ATXN1: variants seen among roughly 807,000 people sequenced by gnomAD.
ATXN1 encodes the protein ataxin 1.
In ATXN1, 8 loss-of-function variants were observed where a neutral mutation model predicts 56.4. That is an observed-to-expected ratio of 0.14 (90% CI 0.08 to 0.26). The LOEUF (loss-of-function observed/expected upper bound fraction) is 0.26, where lower values mean the gene tolerates loss of function less well. ATXN1 is among the 10% of genes least tolerant of loss of function. The pLI, the probability that ATXN1 is intolerant of heterozygous loss-of-function variation, is 1.00. For synonymous variants in ATXN1, 514 were observed against 494.6 expected, an observed-to-expected ratio of 1.04 and a Z score of -0.52; for missense variants, 987 against 1,106.5, an observed-to-expected ratio of 0.89 and a Z score of 1.53.
intron 6 of ATXN1, among the ~76,000 whole-genome samples, chr6:16,333,833 G>T (rs1042981799): frequency 2.0e-5 from 3 of 152,182 alleles, no homozygotes; most frequent in South Asian, 2.1e-4. Context: ...AAACTGGAAG[G>T]CCTGTGTGGT....
intron 6 of ATXN1, among the ~76,000 whole-genome samples, chr6:16,398,999 A>G (rs1758511509): frequency 1.3e-5 from 2 of 152,222 alleles, no homozygotes. Flanking sequence ...GTGCTATTCC[A>G]TTAAACATGC....
At position 16,494,752 on chromosome 6, in the gene ATXN1, A is replaced by G. The variant is rs185768063; in HGVS notation, c.-298-8643T>C. On this transcript the variant is annotated intron_variant, in intron 5 of 7. Transcript: ENST00000436367. ...GATAAATACCCAATCTGTGCTGAGCAGCTGTAGAACGACGTCTCAGGAAAT... is the reference window on the plus strand; with the variant it reads ...GATAAATACCCAATCTGTGCTGAGCGGCTGTAGAACGACGTCTCAGGAAAT... Among the ~76,000 whole-genome samples the G allele has an allele frequency of 8.3e-3, 1,266 of 152,368 alleles. 6 individuals carry two copies. The highest frequency in any genetic ancestry group is 0.01 in the Non-Finnish European group (706 of 68,042).
intron 2 of ATXN1, among the ~76,000 whole-genome samples, chr6:16,733,631 C>T (rs1460661842): frequency 2.6e-5 from 4 of 151,952 alleles, no homozygotes; most frequent in South Asian, 4.1e-4. Context: ...TTTGGGAGGC[C>T]GAGGTCGGGA....
chr6:16,519,171 T>C (rs903186925), intron 5 of ATXN1, among the ~76,000 whole-genome samples: 6 of 152,102 alleles, frequency 3.9e-5, no homozygotes, highest in African/African-American at 9.7e-5. Context: ...AAGAAGAAGA[T>C]ACATGTTTCG....
intron 4 of ATXN1, among the ~76,000 whole-genome samples, chr6:16,524,428 T>G (rs1561739105): frequency 6.6e-6 from 1 of 152,190 alleles, no homozygotes; most frequent in Non-Finnish European, 1.5e-5. Flanking sequence ...GCATTGACCT[T>G]TTCATCCTAA....
chr6:16,647,205 A>G (rs1581327935), intron 3 of ATXN1, among the ~76,000 whole-genome samples: 1 of 152,192 alleles, frequency 6.6e-6, no homozygotes, highest in African/African-American at 2.4e-5. Flanking sequence ...GGGTTTCACC[A>G]TATTGGCCAG....
intron 6 of ATXN1, among the ~76,000 whole-genome samples, chr6:16,375,750 C>T (rs1204105315): frequency 6.6e-6 from 1 of 152,100 alleles, no homozygotes; most frequent in African/African-American, 2.4e-5. Context: ...TGTGTGCCCA[C>T]CTAGATTGCT....
intron 3 of ATXN1, among the ~76,000 whole-genome samples, chr6:16,647,145 C>T (rs1046208818): frequency 6.6e-6 from 1 of 152,124 alleles, no homozygotes; most frequent in Non-Finnish European, 1.5e-5. Flanking sequence ...GCTGGGACTA[C>T]AGGCACCTGC....
chr6:16,362,741 C>T (rs1761836739), intron 6 of ATXN1, among the ~76,000 whole-genome samples: 1 of 80,946 alleles, frequency 1.2e-5, no homozygotes, highest in South Asian at 4.2e-4. Context: ...GTAAAAGGTT[C>T]TCTATTCATA....
chr6:16,437,158 A>G (rs1759410777), intron 6 of ATXN1, among the ~76,000 whole-genome samples: 1 of 152,168 alleles, frequency 6.6e-6, no homozygotes, highest in Admixed American at 6.5e-5. Flanking sequence ...GTCAGTTTTG[A>G]GATGGTTTGA....
intron 4 of ATXN1, among the ~76,000 whole-genome samples, chr6:16,566,546 AAAACAAAC>A (rs531564016): frequency 3.3e-5 from 5 of 152,054 alleles, no homozygotes; most frequent in Middle Eastern, 3.4e-3. Flanking sequence ...GGCCAATTAA[AAAACAAAC>A]AAACAAACAA....
chr6:16,736,292 C>T (rs547559316), intron 2 of ATXN1, among the ~76,000 whole-genome samples: 3 of 152,302 alleles, frequency 2.0e-5, no homozygotes, highest in East Asian at 3.9e-4. Flanking sequence ...GAAATATATA[C>T]GTTCTGAAAG....
chr6:16,458,368 C>A (rs932218300), intron 6 of ATXN1, among the ~76,000 whole-genome samples: 3 of 152,196 alleles, frequency 2.0e-5, no homozygotes, highest in Admixed American at 2.0e-4. Context: ...CTACTGCCTT[C>A]CTCAAGCAGC....
At chr6:16,658,142 G>A (rs927177375) in intron 2 of ATXN1, among the ~76,000 whole-genome samples, 2 of 152,270 alleles carry the variant, frequency 1.3e-5, no homozygotes, top group Admixed American at 6.5e-5. Flanking sequence ...GACACTGGGG[G>A]AGGTAGCAGG....
chr6:16,495,375 A>C (rs543757260), intron 5 of ATXN1, among the ~76,000 whole-genome samples: 24 of 152,360 alleles, frequency 1.6e-4, no homozygotes, highest in Non-Finnish European at 1.2e-4. Context: ...AGATAAAATG[A>C]AGAGACAGAA....
Position 16,328,465 on chromosome 6 carries a change from T to C in ATXN1, c.-155A>G. The C allele has an allele frequency of 8.0e-7, 1 of 1,252,832 alleles. No individual in the cohort carries two copies. The allele number at this position is 1,252,832 out of a possible 1,614,324, so 77.6% of individuals were successfully genotyped here. ...GGGTACAATCCGCCAACAGCAGCTC[T>C]GGATGCTGGGAAAGGGAAGAGGGCA... is the stretch of plus-strand genomic sequence containing the variant. On this transcript the variant is annotated 5_prime_UTR_variant, in exon 7 of 8. Coordinates refer to ENST00000436367, the MANE Select transcript of ATXN1 (RefSeq NM_001128164.2). This position sits in a 1 kb window ranked among gnomAD's most constrained non-coding sequence, Gnocchi z 6.2.
chr6:16,720,015 C>T (rs1035325339), intron 2 of ATXN1, among the ~76,000 whole-genome samples: 3 of 152,182 alleles, frequency 2.0e-5, no homozygotes, highest in Admixed American at 6.5e-5. Flanking sequence ...GGAAAACTAA[C>T]AGAGTTTCCC....
intron 4 of ATXN1, among the ~76,000 whole-genome samples, chr6:16,524,548 G>A (rs1761355229): frequency 1.3e-5 from 2 of 152,156 alleles, no homozygotes; most frequent in East Asian, 3.8e-4. Flanking sequence ...TGTGGTTCCA[G>A]TTACTTAAAC....
intron 6 of ATXN1, among the ~76,000 whole-genome samples, chr6:16,404,888 C>T (rs1050978968): frequency 2.0e-5 from 3 of 152,260 alleles, no homozygotes; most frequent in African/African-American, 7.2e-5. Context: ...ATAATAATCA[C>T]GTCTCCACTC....
Sources: allele counts gnomAD v4.1 joint callset (sites outside exome capture counted in the v4.1 genomes callset), GRCh38; gene constraint gnomAD v4.1.1; non-coding constraint Gnocchi (gnomAD v3.1); transcripts MANE v1.5; gene names NCBI Gene and HGNC (gene_info 2026-07-23, HGNC 2026-07-21).